The following CDH8 variants were observed in gnomAD, a reference collection of about 807,000 sequenced individuals.
CDH8 encodes the protein cadherin 8.
CDH8 carries 17 observed loss-of-function variants against 68.1 expected under a neutral mutation model. That is an observed-to-expected ratio of 0.25 (90% CI 0.17 to 0.37). CDH8 has a LOEUF of 0.37. Ranked by LOEUF, CDH8 falls within the 10% of genes least tolerant of loss-of-function variation. The pLI, the probability that CDH8 is intolerant of heterozygous loss-of-function variation, is 1.00. For synonymous variants in CDH8, 372 were observed against 365.1 expected (o/e 1.02, Z -0.21); for missense variants, 763 against 999.3 (o/e 0.76, Z 3.19).
chr16:61,763,141 C>G (rs566813945), intron 8 of CDH8, among the ~76,000 whole-genome samples: 2 of 152,148 alleles, frequency 1.3e-5, no homozygotes, highest in African/African-American at 2.4e-5. Flanking sequence ...AGTCTTCTAG[C>G]CTGGATTCCT....
At chr16:61,802,124 C>A (rs373158701) in intron 7 of CDH8, among the ~76,000 whole-genome samples, 1 of 134,824 alleles carries the variant, frequency 7.4e-6, no homozygotes, top group South Asian at 2.4e-4. Context: ...GATCTGAGAA[C>A]GGGCAGACTG....
rs376647854 is a variant in CDH8, at chr16:61,653,630, C to T, written c.2378G>A (p.Gly793Asp). ...CTGTCAAGTTTCTTTGTCACTTTCA[C>T]CAACAGAGTAGAGTTCGCCCAGTCT... ...FKRLGELYSV[G>D]ESDKET Residue 793 changes from glycine to aspartate, a missense_variant, in exon 12 of 12, where the codon GGT becomes GAT. Gly to Asp is a moderately conservative substitution (Grantham distance 94). This residue lies in a region of CDH8 where 397 missense variants were observed against 436.2 expected (regional missense o/e 0.91). Transcript: ENST00000577390. 3.1e-6 allele frequency: 5 copies of T among 1,610,118 alleles called. No homozygotes were observed. Among genetic ancestry groups the T allele is most frequent in the Admixed American group, 1.7e-5 (1 of 58,998 alleles).
At chr16:61,873,504 A>C (rs1285583956) in intron 3 of CDH8, among the ~76,000 whole-genome samples, 7 of 152,226 alleles carry the variant, frequency 4.6e-5, no homozygotes, top group Non-Finnish European at 1.0e-4. Context: ...GTAATTAAAT[A>C]GTTATGTGGA....
At chr16:61,671,343 G>A (rs149519313) in intron 10 of CDH8, among the ~76,000 whole-genome samples, 8 of 151,828 alleles carry the variant, frequency 5.3e-5, no homozygotes, top group African/African-American at 1.4e-4. Flanking sequence ...GGATCAAGCC[G>A]TCAGAGGCTC....
intron 2 of CDH8, among the ~76,000 whole-genome samples, chr16:61,936,445 T>C (rs564640827): frequency 1.3e-4 from 20 of 152,272 alleles, no homozygotes; most frequent in African/African-American, 4.1e-4. Context: ...TAGATAAGGA[T>C]TGCCAAAAAT....
intron 8 of CDH8, among the ~76,000 whole-genome samples, chr16:61,742,320 C>G (rs184807162): frequency 1.3e-5 from 2 of 151,976 alleles, no homozygotes; most frequent in African/African-American, 4.8e-5. Context: ...TCTCTCTTTC[C>G]GATATTTATG....
chr16:61,700,577 C>T (rs1964407780), intron 10 of CDH8, among the ~76,000 whole-genome samples: 1 of 152,168 alleles, frequency 6.6e-6, no homozygotes, highest in Non-Finnish European at 1.5e-5. Context: ...CCGCACCTGT[C>T]TTATTTTTAG....
rs62052048 is a variant in CDH8, at chr16:62,001,827, C to T, written c.252+19325G>A. On this transcript the variant is annotated intron_variant, in intron 2 of 11. Transcript: ENST00000577390. ...CTAATGCTATCCCTTCCCCCTCGCC[C>T]TCCAAACTGGTTTTGACTGTGAATT... 9.9e-3 allele frequency among the ~76,000 whole-genome samples: 1,501 copies of T among 152,288 alleles called. 11 individuals are homozygous for T. Among genetic ancestry groups the T allele is most frequent in the Non-Finnish European group, 0.016 (1,057 of 68,022 alleles).
At chr16:61,719,372 C>A (rs1193480967) in intron 9 of CDH8, among the ~76,000 whole-genome samples, 2 of 150,974 alleles carry the variant, frequency 1.3e-5, no homozygotes, top group Admixed American at 1.3e-4. Flanking sequence ...TTCACTTTAC[C>A]TTTCTTGAAA....
At chr16:61,891,965 AAAG>A (rs1478405942) in intron 3 of CDH8, among the ~76,000 whole-genome samples, 2 of 152,232 alleles carry the variant, frequency 1.3e-5, no homozygotes, top group Admixed American at 6.5e-5. Flanking sequence ...AAATTATAAA[AAAG>A]AAATGTGTTA....
At chr16:61,827,518 A>T (rs1962366562) in intron 4 of CDH8, among the ~76,000 whole-genome samples, 1 of 151,918 alleles carries the variant, frequency 6.6e-6, no homozygotes, top group South Asian at 2.1e-4. Flanking sequence ...TGAAAGTGAA[A>T]ATGTAAAACA....
At chr16:61,655,441 G>T in intron 11 of CDH8, 29 bp downstream of exon 11, 1 of 1,611,874 alleles carries the variant, frequency 6.2e-7, no homozygotes, top group South Asian at 1.1e-5. Flanking sequence ...GAAAAAGGGT[G>T]ACCGGTAGGC....
intron 8 of CDH8, among the ~76,000 whole-genome samples, chr16:61,731,544 T>C (rs1156665743): frequency 1.3e-5 from 2 of 151,726 alleles, no homozygotes; most frequent in African/African-American, 4.8e-5. Flanking sequence ...TATCCAACAC[T>C]GTACCTCTGG....
intron 10 of CDH8, among the ~76,000 whole-genome samples, chr16:61,673,507 C>T (rs1320723526): frequency 6.6e-6 from 1 of 152,098 alleles, no homozygotes; most frequent in Non-Finnish European, 1.5e-5. Context: ...CCATGATATT[C>T]CATGATGCAT....
chr16:61,930,780 T>C (rs1457762438), intron 2 of CDH8, among the ~76,000 whole-genome samples: 1 of 152,178 alleles, frequency 6.6e-6, no homozygotes, highest in African/African-American at 2.4e-5. Flanking sequence ...CTTGGACCAT[T>C]AAGGATTTTC....
intron 9 of CDH8, among the ~76,000 whole-genome samples, chr16:61,718,598 T>G (rs8046775): frequency 0.74 from 111,946 of 151,044 alleles, 42,269 homozygotes; most frequent in African/African-American, 0.89. Context: ...TATTATTATC[T>G]CCACTTTATT....
intron 10 of CDH8, among the ~76,000 whole-genome samples, chr16:61,661,006 T>C (rs760075527): frequency 3.3e-5 from 5 of 151,964 alleles, no homozygotes; most frequent in Non-Finnish European, 7.4e-5. Context: ...TCAGAGACAA[T>C]AAGTATCTAC....
chr16:61,681,206 C>T (rs1354361332), intron 10 of CDH8, among the ~76,000 whole-genome samples: 2 of 151,882 alleles, frequency 1.3e-5, no homozygotes, highest in Non-Finnish European at 2.9e-5. Context: ...AATATGTCCA[C>T]ATAAACACCT....
intron 2 of CDH8, among the ~76,000 whole-genome samples, chr16:61,930,873 A>G (rs759129751): frequency 4.6e-5 from 7 of 152,208 alleles, no homozygotes; most frequent in Non-Finnish European, 1.0e-4. Flanking sequence ...TGTCACCCCC[A>G]GCGAAATTCC....
Sources: gnomAD v4.1 joint callset for allele counts (sites outside exome capture counted in the v4.1 genomes callset) on GRCh38, gnomAD v4.1.1 for gene constraint, gnomAD v4.1.1 regional missense constraint, MANE v1.5 for transcripts, NCBI Gene and HGNC (gene_info 2026-07-23, HGNC 2026-07-21) for gene names.